SH3PXD2A: variants seen among roughly 807,000 people sequenced by gnomAD.
The protein encoded by SH3PXD2A is SH3 and PX domains 2A.
A neutral mutation model predicts 115.2 loss-of-function variants in SH3PXD2A; 32 were observed. That is an observed-to-expected ratio of 0.28 (90% CI 0.21 to 0.37). The LOEUF (loss-of-function observed/expected upper bound fraction) is 0.37. SH3PXD2A is among the 10% of genes least tolerant of loss of function. SH3PXD2A has a pLI of 1.00. For synonymous variants in SH3PXD2A, 610 were observed against 629.1 expected, an observed-to-expected ratio of 0.97 and a Z score of 0.45; for missense variants, 1,328 against 1,498.7, an observed-to-expected ratio of 0.89 and a Z score of 1.88.
In SH3PXD2A at chr10:103,602,429, T is replaced by C; in HGVS notation, c.2789A>G (p.Glu930Gly). The C allele has an allele frequency of 2.5e-6, 4 of 1,614,158 alleles. No homozygotes were observed. Among genetic ancestry groups the C allele is most frequent in the Non-Finnish European group, 3.4e-6 (4 of 1,180,016 alleles). The change falls in exon 15 of 15, where the codon GAG (glutamate) becomes GGG (glycine). Residue 930 changes from glutamate to glycine, a missense_variant. By Grantham distance (98) the Glu-to-Gly change is moderately conservative (BLOSUM62 -2). Transcript: ENST00000369774. ...EGKSDSLEKIERRVQALNTVN... is the reference protein window; with the variant it reads ...EGKSDSLEKIGRRVQALNTVN... ...GGTGTTCAGTGCTTGGACGCGCCTCTCGATCTTCTCCAGGCTGTCTGATTT... is the reference window on the plus strand; with the variant it reads ...GGTGTTCAGTGCTTGGACGCGCCTCCCGATCTTCTCCAGGCTGTCTGATTT...
chr10:103,729,585 C>T (rs1385666485), intron 4 of SH3PXD2A, among the ~76,000 whole-genome samples: 1 of 152,208 alleles, frequency 6.6e-6, no homozygotes, highest in African/African-American at 2.4e-5. Context: ...AAGCATTGCC[C>T]TGCGGGGCTG....
At chr10:103,740,580 T>C (rs2038433510) in intron 3 of SH3PXD2A, among the ~76,000 whole-genome samples, 1 of 152,222 alleles carries the variant, frequency 6.6e-6, no homozygotes, top group South Asian at 2.1e-4. Context: ...GCTACCTCCA[T>C]GAACTAGGAC....
chr10:103,682,616 G>A (rs1322400025), intron 6 of SH3PXD2A, among the ~76,000 whole-genome samples: 2 of 152,126 alleles, frequency 1.3e-5, no homozygotes, highest in Non-Finnish European at 2.9e-5. Context: ...AATTAGCCAG[G>A]CATGGTGGCA....
Position 103,787,351 on chromosome 10 carries a change from A to AAT in SH3PXD2A, c.153+13929_153+13930dup, listed in dbSNP as rs1408103179. ...AGCAGACTTTTCTCAATATGCACCA[A>AAT]ATATATATATAAAGCAATGGATAGA... On this transcript the variant is annotated intron_variant, in intron 2 of 14. Transcript: ENST00000369774. Among the ~76,000 whole-genome samples the AAT allele has an allele frequency of 4.6e-5, 7 of 152,204 alleles. No homozygotes were observed. In the East Asian group the frequency reaches 9.7e-4, roughly 21 times the overall value.
chr10:103,670,781 C>T (rs1204301485), intron 6 of SH3PXD2A, among the ~76,000 whole-genome samples: 1 of 152,236 alleles, frequency 6.6e-6, no homozygotes, highest in South Asian at 2.1e-4. Context: ...AGCTTTCAAG[C>T]CCTGGTAGGG....
chr10:103,678,560 T>C, intron 6 of SH3PXD2A, among the ~76,000 whole-genome samples: 1 of 152,230 alleles, frequency 6.6e-6, no homozygotes, highest in Non-Finnish European at 1.5e-5. Context: ...TGGCCCTGGT[T>C]GCCTTTCCCA....
intron 2 of SH3PXD2A, among the ~76,000 whole-genome samples, chr10:103,776,074 C>T (rs1230806684): frequency 2.0e-5 from 3 of 152,100 alleles, no homozygotes; most frequent in Admixed American, 1.3e-4. Flanking sequence ...GGCTCATGGC[C>T]CCTTTCTCTG....
At chr10:103,677,150 G>GA (rs748529117) in intron 6 of SH3PXD2A, among the ~76,000 whole-genome samples, 46 of 152,320 alleles carry the variant, frequency 3.0e-4, no homozygotes, top group Non-Finnish European at 6.5e-4. Context: ...ACAAAATGTG[G>GA]AATGTCTCCT....
intron 6 of SH3PXD2A, among the ~76,000 whole-genome samples, chr10:103,670,494 GT>G (rs1458042538): frequency 1.3e-5 from 2 of 152,210 alleles, no homozygotes; most frequent in African/African-American, 4.8e-5. Context: ...GCCTCCCTGG[GT>G]TCAATCAGCT....
intron 5 of SH3PXD2A, among the ~76,000 whole-genome samples, chr10:103,712,826 C>G (rs2038061618): frequency 6.6e-6 from 1 of 152,234 alleles, no homozygotes; most frequent in Non-Finnish European, 1.5e-5. Context: ...GGGTCAGGTG[C>G]TTCTCACTTC....
intron 5 of SH3PXD2A, among the ~76,000 whole-genome samples, chr10:103,718,115 C>T (rs1365956121): frequency 6.6e-6 from 1 of 151,942 alleles, no homozygotes; most frequent in African/African-American, 2.4e-5. Context: ...AAGCAATCCT[C>T]CTGCCTCAGC....
chr10:103,658,241 G>C (rs1303915788), intron 8 of SH3PXD2A, among the ~76,000 whole-genome samples: 1 of 152,226 alleles, frequency 6.6e-6, no homozygotes, highest in East Asian at 1.9e-4. Context: ...CTCTACTTGA[G>C]GCACTCCCAG....
chr10:103,841,202 A>C (rs1192130257), intron 1 of SH3PXD2A, among the ~76,000 whole-genome samples: 2 of 152,230 alleles, frequency 1.3e-5, no homozygotes, highest in African/African-American at 4.8e-5. Context: ...TCCAGGACGC[A>C]CCATGATCCA....
chr10:103,662,693 C>T (rs1396986477), intron 7 of SH3PXD2A, among the ~76,000 whole-genome samples: 2 of 152,136 alleles, frequency 1.3e-5, no homozygotes, highest in Non-Finnish European at 2.9e-5. Flanking sequence ...GCCACCGCGC[C>T]CGGCCTATGA....
intron 3 of SH3PXD2A, among the ~76,000 whole-genome samples, chr10:103,750,849 T>C (rs2038569312): frequency 6.6e-6 from 1 of 152,264 alleles, no homozygotes; most frequent in South Asian, 2.1e-4. Context: ...GCCAATTGTT[T>C]GTCTGCTTAA....
chr10:103,734,738 G>A (rs1357348412), intron 4 of SH3PXD2A, among the ~76,000 whole-genome samples: 1 of 152,186 alleles, frequency 6.6e-6, no homozygotes, highest in Non-Finnish European at 1.5e-5. Context: ...TGCAGAGAAA[G>A]ATCTTGTCTC....
intron 5 of SH3PXD2A, among the ~76,000 whole-genome samples, chr10:103,719,705 CTTTTTTTTTTTCTTTCTTTTTT>C (rs1413141139): frequency 3.7e-5 from 5 of 136,452 alleles, no homozygotes; most frequent in African/African-American, 1.1e-4. Context: ...ATTTCTTTTT[CTTTTTTTTTTTCTTTCTTTTTT>C]TTTTTTTTTT....
At chr10:103,695,342 T>A (rs2037812293) in intron 5 of SH3PXD2A, among the ~76,000 whole-genome samples, 1 of 151,888 alleles carries the variant, frequency 6.6e-6, no homozygotes, top group Non-Finnish European at 1.5e-5. Flanking sequence ...AGACCCCCTA[T>A]CTCTACCAAA....
intron 1 of SH3PXD2A, among the ~76,000 whole-genome samples, chr10:103,851,148 G>A (rs1231195897): frequency 4.6e-4 from 65 of 140,590 alleles, no homozygotes; most frequent in Non-Finnish European, 5.2e-4. Flanking sequence ...TAAGGGCTGA[G>A]AAAAAAAAAA....
Sources: allele counts gnomAD v4.1 joint callset (sites outside exome capture counted in the v4.1 genomes callset), GRCh38; gene constraint gnomAD v4.1.1; transcripts MANE v1.5; gene names NCBI Gene and HGNC (gene_info 2026-07-23, HGNC 2026-07-21).